NALCN: variants seen among roughly 807,000 people sequenced by gnomAD.
NALCN encodes sodium leak channel, non-selective.
Under a neutral mutation model 225.3 loss-of-function variants are expected in NALCN, and 111 were observed. That is an observed-to-expected ratio of 0.49 (90% CI 0.42 to 0.58). The LOEUF (loss-of-function observed/expected upper bound fraction) is 0.58, where lower values mean the gene tolerates loss of function less well. Ranked by LOEUF, NALCN falls within the 20% of genes least tolerant of loss-of-function variation. NALCN has a pLI of 0.00. For synonymous variants in NALCN, 764 were observed against 769.0 expected, an observed-to-expected ratio of 0.99 and a Z score of 0.11; for missense variants, 1,378 against 2,202.4, an observed-to-expected ratio of 0.63 and a Z score of 7.49.
At chr13:101,249,327 G>T (rs2041993985) in intron 11 of NALCN, among the ~76,000 whole-genome samples, 1 of 151,978 alleles carries the variant, frequency 6.6e-6, no homozygotes, top group South Asian at 2.1e-4. Context: ...TCTCCACCAG[G>T]GATCCCACTG....
chr13:101,320,866 C>T (rs2044722231), intron 7 of NALCN, among the ~76,000 whole-genome samples: 1 of 152,112 alleles, frequency 6.6e-6, no homozygotes, highest in South Asian at 2.1e-4. Context: ...TTCTAACACC[C>T]TATTAATACA....
intron 13 of NALCN, among the ~76,000 whole-genome samples, chr13:101,212,749 G>A (rs1002140872): frequency 1.4e-4 from 21 of 152,004 alleles, no homozygotes; most frequent in Admixed American, 9.8e-4. Flanking sequence ...GTGAGGCTGC[G>A]GACAGTAAAG....
chr13:101,082,783 C>T, intron 33 of NALCN, 26 bp downstream of exon 33: 1 of 1,612,714 alleles, frequency 6.2e-7, no homozygotes, highest in Non-Finnish European at 8.5e-7. Flanking sequence ...CAGATTCCCC[C>T]AGAGCTAGCT....
chr13:101,377,016 C>A lies in NALCN; in HGVS notation c.416G>T (p.Trp139Leu). 1 of 1,614,110 alleles carries A rather than the reference C, an allele frequency of 6.2e-7. No individual in the cohort carries two copies. The highest frequency in any genetic ancestry group is 8.5e-7 in the Non-Finnish European group (1 of 1,180,012). The change falls in exon 5 of 44, where the codon TGG (tryptophan) becomes TTG (leucine). Residue 139 changes from tryptophan (W) to leucine (L), a missense_variant. Trp to Leu is a moderately conservative substitution (Grantham distance 61, BLOSUM62 -2). Coordinates refer to ENST00000251127, the MANE Select transcript of NALCN (RefSeq NM_052867.4). The part of the protein sequence containing the change: ...IADIVDQMSP[W>L]GMLRIPRPLI... ...TGGCCGTGGAATCCGCAACATGCCC[C>A]AAGGTGACATCTGATCAACTATATC... is the stretch of plus-strand genomic sequence containing the variant.
At chr13:101,195,959 C>T (rs1467677126) in intron 13 of NALCN, among the ~76,000 whole-genome samples, 2 of 152,122 alleles carry the variant, frequency 1.3e-5, no homozygotes, top group African/African-American at 4.8e-5. Flanking sequence ...CCGTGCTTCT[C>T]AGCAGGTTGA....
intron 38 of NALCN, 32 bp from the exon 39 acceptor site, chr13:101,068,065 C>T (rs1426336446): frequency 1.6e-6 from 2 of 1,262,462 alleles, no homozygotes; most frequent in Non-Finnish European, 2.3e-6. Context: ...AGAAGTTAGA[C>T]CATTATGCTA....
rs148622337 is a variant in NALCN at position 101,281,452 on chromosome 13, G to T, written c.1134+2481C>A. ...ATAATGTCAATAAAAGTGCTTTTTAGGTAAGAAGCTAGTACTATAATCTTT... is the reference window on the plus strand; with the variant it reads ...ATAATGTCAATAAAAGTGCTTTTTATGTAAGAAGCTAGTACTATAATCTTT... On this transcript the variant is annotated intron_variant, in intron 10 of 43. Transcript: ENST00000251127. Among the ~76,000 whole-genome samples the T allele has an allele frequency of 7.2e-5, 11 of 152,198 alleles. No individual in the cohort carries two copies. In the East Asian group the frequency reaches 2.1e-3, roughly 29 times the overall value.
chr13:101,395,157 A>G, intron 3 of NALCN, 26 bp downstream of exon 3: 1 of 1,591,746 alleles, frequency 6.3e-7, no homozygotes, highest in Non-Finnish European at 8.6e-7. Flanking sequence ...TTAGGTTCTT[A>G]GTTTAAATGA....
chr13:101,130,010 G>T (rs561069734), intron 17 of NALCN, among the ~76,000 whole-genome samples: 1 of 152,028 alleles, frequency 6.6e-6, no homozygotes, highest in Non-Finnish European at 1.5e-5. Flanking sequence ...GAGAATGATG[G>T]TTTCCAGCTT....
intron 13 of NALCN, among the ~76,000 whole-genome samples, chr13:101,199,581 T>A (rs1390817061): frequency 7.4e-6 from 1 of 134,462 alleles, no homozygotes; most frequent in East Asian, 2.3e-4. Flanking sequence ...TTCTCACTCA[T>A]AGGTGGGAAT....
rs2034089748 is a variant in NALCN at position 101,089,197 on chromosome 13, C to T, written c.3489+466G>A. Among the ~76,000 whole-genome samples the T allele has an allele frequency of 6.6e-6, 1 of 152,206 alleles. No individual in the cohort carries two copies. The highest frequency in any genetic ancestry group is 1.9e-4 in the East Asian group (1 of 5,192). ...ACAGGCGTGAGCCACCATGCCCTGC[C>T]ACAAAATCTTTTTTTCTGTGAATTA... On this transcript the variant is annotated intron_variant, in intron 30 of 43. Coordinates refer to ENST00000251127, the MANE Select transcript of NALCN (RefSeq NM_052867.4). This position sits in a 1 kb window ranked among gnomAD's most constrained non-coding sequence, Gnocchi z 4.7.
chr13:101,104,975 T>C lies in NALCN; in HGVS notation c.2580-25A>G. 1 of 1,603,832 alleles carries C rather than the reference T, an allele frequency of 6.2e-7. No individual in the cohort carries two copies. The highest frequency in any genetic ancestry group is 8.5e-7 in the Non-Finnish European group (1 of 1,172,396). On this transcript the variant is annotated intron_variant, in intron 22 of 43. Coordinates refer to ENST00000251127, the MANE Select transcript of NALCN (RefSeq NM_052867.4). The surrounding 1 kb of genome is among the most constrained non-coding windows in gnomAD (Gnocchi z 4.2). ...TCTGTAAGAGAACACATATATAAAATTCTGCAACAAAGCAAGCATGTTTTA... is the reference window on the plus strand; with the variant it reads ...TCTGTAAGAGAACACATATATAAAACTCTGCAACAAAGCAAGCATGTTTTA...
At chr13:101,165,556 A>C (rs2038398338) in intron 15 of NALCN, among the ~76,000 whole-genome samples, 1 of 152,130 alleles carries the variant, frequency 6.6e-6, no homozygotes, top group Non-Finnish European at 1.5e-5. Context: ...TGAAGCCTTG[A>C]TCTCTTGGGC....
intron 42 of NALCN, 117 bp downstream of exon 42, chr13:101,059,701 T>C (rs565080374): frequency 3.8e-5 from 32 of 833,750 alleles, no homozygotes; most frequent in Non-Finnish European, 5.6e-5. Flanking sequence ...AAAATATTCC[T>C]ATTAGAAATA....
rs143125483 is a variant in NALCN, at chr13:101,112,282, C to T, written c.2193-1056G>A. On this transcript the variant is annotated intron_variant, in intron 18 of 43. Transcript: ENST00000251127. Reference sequence around the variant, plus strand: ...CTTGCAGCTTACTGGTAACCAGTTACCACTTGTTTAAACCACGAAGACTTT... The same window carrying T: ...CTTGCAGCTTACTGGTAACCAGTTATCACTTGTTTAAACCACGAAGACTTT... 6.7e-4 allele frequency among the ~76,000 whole-genome samples: 101 copies of T among 151,536 alleles called. 1 individual carries two copies. The highest frequency in any genetic ancestry group is 2.4e-3 in the African/African-American group (99 of 41,302).
chr13:101,142,563 A>T (rs533202796), intron 17 of NALCN, among the ~76,000 whole-genome samples: 5 of 152,146 alleles, frequency 3.3e-5, no homozygotes, highest in African/African-American at 1.2e-4. Context: ...TCTGAAAAAA[A>T]TTTTCCCTTC....
rs869312952 is a variant in NALCN at position 101,073,583 on chromosome 13, C to G, written c.4197+1G>C. On this transcript the variant is annotated splice_donor_variant, in intron 37 of 43. Coordinates refer to ENST00000251127, the MANE Select transcript of NALCN (RefSeq NM_052867.4). LOFTEE classifies it high-confidence loss of function. ...CCTTGTTCATGATGAGAGATATTTA[C>G]CATACAGTCATGCATAATCTTGTTC... The G allele has an allele frequency of 1.2e-6, 2 of 1,609,754 alleles. No individual in the cohort carries two copies. Among genetic ancestry groups the G allele is most frequent in the East Asian group, 4.5e-5 (2 of 44,806 alleles).
chr13:101,355,223 C>A (rs149806072), intron 6 of NALCN, among the ~76,000 whole-genome samples: 1 of 152,024 alleles, frequency 6.6e-6, no homozygotes, highest in African/African-American at 2.4e-5. Context: ...CCAATTAAAC[C>A]TTTCTTCTTT....
rs920628545 is a variant in NALCN, at chr13:101,353,897, T to C, written c.645-8477A>G. 3.3e-5 allele frequency among the ~76,000 whole-genome samples: 5 copies of C among 152,344 alleles called. No homozygotes were observed. In the South Asian group the frequency reaches 8.3e-4, roughly 25 times the overall value. On this transcript the variant is annotated intron_variant, in intron 6 of 43. Transcript: ENST00000251127. ...TTTTAAATAGTTATCTTGTTATATC[T>C]GAATAGCTTTTTAAAATAATATATG...
Sources: gnomAD v4.1 joint callset for allele counts (sites outside exome capture counted in the v4.1 genomes callset) on GRCh38, gnomAD v4.1.1 for gene constraint, Gnocchi (gnomAD v3.1) non-coding constraint, MANE v1.5 for transcripts, NCBI Gene and HGNC (gene_info 2026-07-23, HGNC 2026-07-21) for gene names.